The following SH3GL2 variants were observed in gnomAD, a reference collection of about 807,000 sequenced individuals.
SH3GL2 encodes endophilin-A1.
A neutral mutation model predicts 46.0 loss-of-function variants in SH3GL2; 24 were observed. The ratio of observed to expected loss-of-function variants is 0.52; its 90% CI spans 0.38 to 0.73. The LOEUF is 0.73. Among genes scored for constraint, SH3GL2 ranks in the 30% least tolerant of loss-of-function variants. SH3GL2 has a pLI of 0.00. For missense variants in SH3GL2, 413 were observed against 424.2 expected, an observed-to-expected ratio of 0.97 and a Z score of 0.23; for synonymous variants, 196 against 147.1, an observed-to-expected ratio of 1.33 and a Z score of -2.40.
intron 3 of SH3GL2, among the ~76,000 whole-genome samples, chr9:17,766,609 ATAT>A (rs1430014419): frequency 6.6e-6 from 1 of 152,240 alleles, no homozygotes; most frequent in African/African-American, 2.4e-5. Context: ...GTCTTTAATA[ATAT>A]ATTTTATTTA....
chr9:17,688,402 G>T (rs1046626852), intron 1 of SH3GL2, among the ~76,000 whole-genome samples: 1 of 152,044 alleles, frequency 6.6e-6, no homozygotes, highest in Non-Finnish European at 1.5e-5. Flanking sequence ...GAGAAGTAAC[G>T]TACTGTTTAA....
chr9:17,719,301 A>G (rs1008075227), intron 1 of SH3GL2, among the ~76,000 whole-genome samples: 13 of 152,144 alleles, frequency 8.5e-5, no homozygotes, highest in Non-Finnish European at 8.8e-5. Flanking sequence ...CACTTCAAAC[A>G]TTGTAAAGTG....
chr9:17,749,787 T>C (rs975709941), intron 2 of SH3GL2, among the ~76,000 whole-genome samples: 1 of 152,108 alleles, frequency 6.6e-6, no homozygotes, highest in East Asian at 1.9e-4. Context: ...TAAAAGAGAA[T>C]CCTCCAAGCA....
intron 1 of SH3GL2, among the ~76,000 whole-genome samples, chr9:17,701,356 C>T (rs989848971): frequency 2.0e-5 from 3 of 152,058 alleles, no homozygotes; most frequent in South Asian, 4.2e-4. Flanking sequence ...AGAGGGAAAC[C>T]GAAGACCTGA....
At chr9:17,790,426 G>T in intron 6 of SH3GL2, 1 of 984,798 alleles carries the variant, frequency 1.0e-6, no homozygotes, top group Non-Finnish European at 1.2e-6. Flanking sequence ...CAGGGGAAGT[G>T]TGTTGAACAT....
chr9:17,664,623 C>A (rs1286835155), intron 1 of SH3GL2, among the ~76,000 whole-genome samples: 2 of 151,722 alleles, frequency 1.3e-5, no homozygotes, highest in African/African-American at 4.8e-5. Context: ...GTGATAGTGG[C>A]TCTACAAAAT....
chr9:17,688,625 G>A (rs1202246989), intron 1 of SH3GL2, among the ~76,000 whole-genome samples: 1 of 151,992 alleles, frequency 6.6e-6, no homozygotes, highest in Non-Finnish European at 1.5e-5. Flanking sequence ...GGAGCATTTT[G>A]TAGTGCGAGA....
chr9:17,590,051 C>T (rs928359810), intron 1 of SH3GL2: 2 of 152,154 alleles, frequency 1.3e-5, no homozygotes, highest in Admixed American at 6.5e-5. Flanking sequence ...GATTTTGTAT[C>T]TGAGTGGTAA....
At chr9:17,661,767 T>C (rs1189596925) in intron 1 of SH3GL2, among the ~76,000 whole-genome samples, 1 of 152,214 alleles carries the variant, frequency 6.6e-6, no homozygotes, top group African/African-American at 2.4e-5. Context: ...AAAGGTAGCA[T>C]AGTATAGTGG....
chr9:17,611,344 C>G (rs1232175522), intron 1 of SH3GL2, among the ~76,000 whole-genome samples: 1 of 151,300 alleles, frequency 6.6e-6, no homozygotes, highest in Non-Finnish European at 1.5e-5. Flanking sequence ...TTCATTTTTG[C>G]TTTTGGTTGA....
intron 1 of SH3GL2, among the ~76,000 whole-genome samples, chr9:17,724,469 A>G (rs758390649): frequency 6.6e-6 from 1 of 152,100 alleles, no homozygotes; most frequent in Non-Finnish European, 1.5e-5. Flanking sequence ...ATATCTGCTA[A>G]TTCCAACATC....
chr9:17,770,934 G>C (rs1311769131), intron 3 of SH3GL2, among the ~76,000 whole-genome samples: 1 of 152,190 alleles, frequency 6.6e-6, no homozygotes, highest in Non-Finnish European at 1.5e-5. Context: ...AAAGCAGTCT[G>C]ACTCTACATT....
At chr9:17,791,539 T>C (rs1824129765) in intron 7 of SH3GL2, among the ~76,000 whole-genome samples, 1 of 152,232 alleles carries the variant, frequency 6.6e-6, no homozygotes, top group African/African-American at 2.4e-5. Context: ...TTTCTGCTTA[T>C]GAGAGATCGA....
At chr9:17,710,288 A>G (rs1162160055) in intron 1 of SH3GL2, among the ~76,000 whole-genome samples, 1 of 151,944 alleles carries the variant, frequency 6.6e-6, no homozygotes, top group Non-Finnish European at 1.5e-5. Flanking sequence ...AAGTTTCCTG[A>G]GGCCTCCCCA....
At chr9:17,579,436 G>A (rs1704880107) in intron 1 of SH3GL2, 149 bp downstream of exon 1, 1 of 386,910 alleles carries the variant, frequency 2.6e-6, no homozygotes, top group African/African-American at 2.1e-5. Flanking sequence ...CCAAGGCGGC[G>A]GCTCGGGGCA....
intron 1 of SH3GL2, among the ~76,000 whole-genome samples, chr9:17,581,124 A>T (rs1381115595): frequency 6.6e-6 from 1 of 152,244 alleles, no homozygotes; most frequent in African/African-American, 2.4e-5. Flanking sequence ...GGATATTTTT[A>T]TTAGTATAAA....
At chr9:17,657,955 G>A (rs1820127963) in intron 1 of SH3GL2, among the ~76,000 whole-genome samples, 1 of 152,092 alleles carries the variant, frequency 6.6e-6, no homozygotes, top group Non-Finnish European at 1.5e-5. Flanking sequence ...ATGTAATTTT[G>A]ATGGCATAAT....
intron 1 of SH3GL2, among the ~76,000 whole-genome samples, chr9:17,636,130 C>G (rs1309777164): frequency 6.6e-6 from 1 of 152,080 alleles, no homozygotes; most frequent in Non-Finnish European, 1.5e-5. Flanking sequence ...TATGCAGGTG[C>G]TTATGTATGG....
intron 1 of SH3GL2, among the ~76,000 whole-genome samples, chr9:17,687,798 C>G (rs995523596): frequency 6.6e-5 from 10 of 152,106 alleles, no homozygotes; most frequent in African/African-American, 2.4e-4. Context: ...GGATGTGAAT[C>G]TCAAGGCAGT....
Sources: allele counts gnomAD v4.1 joint callset (sites outside exome capture counted in the v4.1 genomes callset), GRCh38; gene constraint gnomAD v4.1.1; transcripts MANE v1.5; gene names NCBI Gene and HGNC (gene_info 2026-07-23, HGNC 2026-07-21).